The following SLC71A1 variants were observed in gnomAD, a reference collection of about 807,000 sequenced individuals.
SLC71A1 encodes solute carrier family 71 member 1.
the SLC71A1 span, chr1:100,038,123 G>A: frequency 3.2e-6 from 3 of 944,466 alleles, no homozygotes; most frequent in African/African-American, 3.3e-5. Context: ...CAAGATGGCG[G>A]CGGGCGCCCA....
At chr1:100,040,584 C>T in the SLC71A1 span, among the ~76,000 whole-genome samples, 8 of 152,092 alleles carry the variant, frequency 5.3e-5, no homozygotes, top group Non-Finnish European at 1.0e-4. Context: ...CCTCAGCCTC[C>T]CGAGTAGCTG....
At chr1:100,051,865 AG>A in the SLC71A1 span, among the ~76,000 whole-genome samples, 12 of 152,242 alleles carry the variant, frequency 7.9e-5, no homozygotes, top group African/African-American at 2.9e-4. Flanking sequence ...TGTTAAGCAC[AG>A]TCCTAATGTA....
At chr1:100,056,460 A>C in the SLC71A1 span, among the ~76,000 whole-genome samples, 1 of 152,188 alleles carries the variant, frequency 6.6e-6, no homozygotes, top group Admixed American at 6.5e-5. Flanking sequence ...TGCATACAAA[A>C]ATTAGCCAGG....
At chr1:100,081,688 T>C in the SLC71A1 span, among the ~76,000 whole-genome samples, 3 of 152,228 alleles carry the variant, frequency 2.0e-5, no homozygotes, top group Admixed American at 6.5e-5. Context: ...ATTTTATTTT[T>C]GAGATCTTTC....
chr1:100,083,346 T>C, the SLC71A1 span: 1 of 152,506 alleles, frequency 6.6e-6, no homozygotes, highest in Admixed American at 6.5e-5. Flanking sequence ...GTTAATAAAG[T>C]TAAATATTTT....
the SLC71A1 span, chr1:100,062,264 A>C: frequency 4.5e-6 from 1 of 223,464 alleles, no homozygotes. Context: ...AGTTAAAAAA[A>C]ATCACTACTC....
the SLC71A1 span, among the ~76,000 whole-genome samples, chr1:100,067,631 C>T: frequency 1.3e-5 from 2 of 151,986 alleles, no homozygotes; most frequent in Non-Finnish European, 2.9e-5. Context: ...GGCAACATAG[C>T]GTGACTTCCA....
chr1:100,059,153 T>TG, the SLC71A1 span, among the ~76,000 whole-genome samples: 4 of 130,206 alleles, frequency 3.1e-5, no homozygotes, highest in African/African-American at 6.3e-5. Flanking sequence ...TGTTTTTTTT[T>TG]TTTTTTTTTT....
At chr1:100,074,128 A>C in the SLC71A1 span, among the ~76,000 whole-genome samples, 1 of 152,216 alleles carries the variant, frequency 6.6e-6, no homozygotes, top group East Asian at 1.9e-4. Flanking sequence ...GCTTTGGGTC[A>C]CAAGATAGGC....
chr1:100,071,316 A>G, the SLC71A1 span, among the ~76,000 whole-genome samples: 1 of 112,116 alleles, frequency 8.9e-6, no homozygotes, highest in South Asian at 3.1e-4. Flanking sequence ...AAAAAAAAAA[A>G]GAAAGAAAGC....
At chr1:100,073,471 TTC>T in the SLC71A1 span, among the ~76,000 whole-genome samples, 1,268 of 152,342 alleles carry the variant, frequency 8.3e-3, 11 homozygotes, top group Non-Finnish European at 0.013. Flanking sequence ...GCTTGGGGTG[TTC>T]TCTTTCCCCA....
At chr1:100,053,701 CTG>C in the SLC71A1 span, among the ~76,000 whole-genome samples, 3 of 152,092 alleles carry the variant, frequency 2.0e-5, no homozygotes, top group Admixed American at 6.6e-5. Context: ...ACCAAAAAAA[CTG>C]TGTGTTGCAA....
the SLC71A1 span, chr1:100,062,049 T>G: frequency 1.4e-6 from 1 of 694,470 alleles, no homozygotes; most frequent in Non-Finnish European, 2.4e-6. Context: ...ATTACAAGAT[T>G]TTTGCGTAAA....
At chr1:100,056,821 G>A in the SLC71A1 span, among the ~76,000 whole-genome samples, 1 of 152,104 alleles carries the variant, frequency 6.6e-6, no homozygotes, top group African/African-American at 2.4e-5. Flanking sequence ...GTGTATGAGT[G>A]TTCCCTTTTC....
chr1:100,070,226 A>T, the SLC71A1 span, among the ~76,000 whole-genome samples: 2 of 152,210 alleles, frequency 1.3e-5, no homozygotes. Flanking sequence ...TGCTAATGCA[A>T]GGTGACATTT....
At chr1:100,070,121 T>C in the SLC71A1 span, among the ~76,000 whole-genome samples, 1 of 152,304 alleles carries the variant, frequency 6.6e-6, no homozygotes, top group Non-Finnish European at 1.5e-5. Flanking sequence ...ACATATCAGA[T>C]GTATTGAGAA....
At chr1:100,038,116 G>A in the SLC71A1 span, 8 of 889,236 alleles carry the variant, frequency 9.0e-6, no homozygotes, top group East Asian at 1.4e-4. Context: ...GGGCCCTCAA[G>A]ATGGCGGCGG....
the SLC71A1 span, among the ~76,000 whole-genome samples, chr1:100,060,879 C>T: frequency 2.6e-5 from 4 of 151,990 alleles, no homozygotes; most frequent in Admixed American, 6.6e-5. Context: ...TTTTACTCCA[C>T]TGAGTATTAA....
the SLC71A1 span, among the ~76,000 whole-genome samples, chr1:100,063,314 A>G: frequency 6.6e-6 from 1 of 151,920 alleles, no homozygotes; most frequent in Non-Finnish European, 1.5e-5. Context: ...AAACACTGAA[A>G]TCTTCTAGAA....
Sources: allele counts gnomAD v4.1 joint callset (sites outside exome capture counted in the v4.1 genomes callset), GRCh38; gene constraint gnomAD v4.1.1; transcripts MANE v1.5; gene names NCBI Gene and HGNC (gene_info 2026-07-23, HGNC 2026-07-21).